The following PAQR5 variants were observed in gnomAD, a reference collection of about 807,000 sequenced individuals.
PAQR5 encodes the protein progestin and adipoQ receptor family member 5, also known as membrane progestin receptor gamma.
A neutral mutation model predicts 34.5 loss-of-function variants in PAQR5; 20 were observed. The observed-to-expected ratio is 0.58, with a 90% confidence interval of 0.41 to 0.84. The LOEUF is 0.84. Ranked by LOEUF, PAQR5 falls within the 40% of genes least tolerant of loss-of-function variation. PAQR5 has a pLI of 0.00. For missense variants in PAQR5, 378 were observed against 412.7 expected (o/e 0.92, Z 0.73); for synonymous variants, 131 against 155.6 (o/e 0.84, Z 1.18).
chr15:69,304,194 C>T (rs1037773336), intron 1 of PAQR5, among the ~76,000 whole-genome samples: 3 of 152,190 alleles, frequency 2.0e-5, no homozygotes, highest in African/African-American at 7.2e-5. Flanking sequence ...CGATGGGCTC[C>T]CTGCTCCTGA....
intron 5 of PAQR5, 52 bp downstream of exon 5, chr15:69,384,934 C>T (rs766529536): frequency 5.0e-6 from 7 of 1,410,926 alleles, no homozygotes; most frequent in African/African-American, 4.2e-5. Flanking sequence ...GGCTGTTTGC[C>T]CCTTCTCCTG....
At chr15:69,322,298 G>A (rs1160490464) in intron 1 of PAQR5, among the ~76,000 whole-genome samples, 1 of 149,782 alleles carries the variant, frequency 6.7e-6, no homozygotes, top group African/African-American at 2.5e-5. Context: ...GCCATCCATG[G>A]CTAACATGGT....
At chr15:69,369,053 G>A (rs1301897153) in intron 3 of PAQR5, among the ~76,000 whole-genome samples, 2 of 152,190 alleles carry the variant, frequency 1.3e-5, no homozygotes, top group Non-Finnish European at 2.9e-5. Context: ...TTACAGGGTT[G>A]AGCTACTATG....
At chr15:69,394,120 T>G (rs868649623) in intron 6 of PAQR5, among the ~76,000 whole-genome samples, 4 of 143,996 alleles carry the variant, frequency 2.8e-5, no homozygotes, top group Non-Finnish European at 4.6e-5. Flanking sequence ...TTGTTTTTTG[T>G]TTTTTTTTTT....
At position 69,406,943 on chromosome 15, in the gene PAQR5, G is replaced by A. The variant is rs891415298; in HGVS notation, c.*3121G>A. ...AATTTAGAGGTCTTCTGAGTATAAA[G>A]TGGTTTAAATATTTGGTCTGCTGAA... is the stretch of plus-strand genomic sequence containing the variant. On this transcript the variant is annotated 3_prime_UTR_variant, in exon 9 of 9. Transcript: ENST00000395407. 6.6e-6 allele frequency: 1 copy of A among 152,084 alleles called. No homozygotes were observed. Among genetic ancestry groups the A allele is most frequent in the Non-Finnish European group, 1.5e-5 (1 of 68,054 alleles). 9.4% of individuals were successfully genotyped at this position (152,084 alleles called of 1,614,324 possible).
chr15:69,326,688 C>T (rs1042437725), intron 1 of PAQR5, among the ~76,000 whole-genome samples: 8 of 152,270 alleles, frequency 5.3e-5, no homozygotes, highest in African/African-American at 1.7e-4. Context: ...CTGCCTGCCT[C>T]GGCCTCCCAA....
At chr15:69,315,576 TG>T (rs755389414) in intron 1 of PAQR5, among the ~76,000 whole-genome samples, 1 of 152,196 alleles carries the variant, frequency 6.6e-6, no homozygotes, top group Non-Finnish European at 1.5e-5. Context: ...CAGCCAGCCC[TG>T]GGTGACATTC....
intron 1 of PAQR5, among the ~76,000 whole-genome samples, chr15:69,300,912 C>CTCT (rs1555411095): frequency 7.7e-5 from 1 of 13,022 alleles, no homozygotes; most frequent in African/African-American, 1.6e-4. Context: ...TTCCTTCCTT[C>CTCT]CTTTCTCTCT....
At chr15:69,300,590 C>CTTCTTTCTTTCTTTCT (rs71147600) in intron 1 of PAQR5, among the ~76,000 whole-genome samples, 9 of 42,062 alleles carry the variant, frequency 2.1e-4, no homozygotes, top group East Asian at 1.3e-3. Context: ...TCTTTCTTTC[C>CTTCTTTCTTTCTTTCT]TTCTTTCTTT....
intron 2 of PAQR5, among the ~76,000 whole-genome samples, chr15:69,338,516 T>G (rs2054563194): frequency 1.3e-5 from 2 of 152,190 alleles, no homozygotes; most frequent in Non-Finnish European, 2.9e-5. Flanking sequence ...CAGGCCTGCA[T>G]GAGTACACTC....
At chr15:69,358,122 G>A (rs2055127940) in intron 2 of PAQR5, among the ~76,000 whole-genome samples, 2 of 152,070 alleles carry the variant, frequency 1.3e-5, no homozygotes, top group Non-Finnish European at 2.9e-5. Context: ...AGGGGTAAAG[G>A]AGGAAATTTA....
intron 1 of PAQR5, among the ~76,000 whole-genome samples, chr15:69,314,128 C>T (rs377061913): frequency 2.0e-5 from 3 of 152,144 alleles, no homozygotes; most frequent in East Asian, 1.9e-4. Context: ...ATAGAGGATG[C>T]CAATTGTTCA....
chr15:69,317,253 G>T (rs748420694), intron 1 of PAQR5, among the ~76,000 whole-genome samples: 1 of 152,242 alleles, frequency 6.6e-6, no homozygotes, highest in East Asian at 1.9e-4. Flanking sequence ...TGACTCTGGA[G>T]CCCAAATGCC....
At chr15:69,353,369 C>G (rs1604896) in intron 2 of PAQR5, among the ~76,000 whole-genome samples, 1 of 152,098 alleles carries the variant, frequency 6.6e-6, no homozygotes, top group African/African-American at 2.4e-5. Flanking sequence ...CATCCATGGA[C>G]TCATAGAATG....
At chr15:69,396,026 A>C (rs1053470425) in intron 6 of PAQR5, among the ~76,000 whole-genome samples, 2 of 151,702 alleles carry the variant, frequency 1.3e-5, no homozygotes, top group Non-Finnish European at 2.9e-5. Context: ...AGTGGAGCAC[A>C]ATAGCCTGGA....
chr15:69,380,754 G>A (rs978865842), intron 4 of PAQR5, among the ~76,000 whole-genome samples: 1 of 152,224 alleles, frequency 6.6e-6, no homozygotes, highest in Non-Finnish European at 1.5e-5. Context: ...AGAACTCAGA[G>A]GCCATTCAAG....
intron 3 of PAQR5, 127 bp downstream of exon 3, chr15:69,360,258 C>A: frequency 3.2e-6 from 2 of 622,588 alleles, no homozygotes; most frequent in South Asian, 2.2e-5. Flanking sequence ...GGACCCCTTC[C>A]CACACTTCCT....
chr15:69,367,879 T>C (rs2055443311), intron 3 of PAQR5, among the ~76,000 whole-genome samples: 4 of 152,042 alleles, frequency 2.6e-5, no homozygotes, highest in Admixed American at 6.6e-5. Flanking sequence ...TTGTCCCAAA[T>C]GGGAAAAGGA....
chr15:69,317,478 C>G (rs573731941), intron 1 of PAQR5, among the ~76,000 whole-genome samples: 5 of 152,172 alleles, frequency 3.3e-5, no homozygotes, highest in Non-Finnish European at 7.4e-5. Flanking sequence ...GTCCATGCAG[C>G]CTTCTTCCCT....
Sources: gnomAD v4.1 joint callset for allele counts (sites outside exome capture counted in the v4.1 genomes callset) on GRCh38, gnomAD v4.1.1 for gene constraint, MANE v1.5 for transcripts, NCBI Gene and HGNC (gene_info 2026-07-23, HGNC 2026-07-21) for gene names.